UBAP2: variants seen among roughly 807,000 people sequenced by gnomAD.
UBAP2 encodes ubiquitin associated protein 2, also known as ubiquitin-associated protein 2.
Under a neutral mutation model 139.6 loss-of-function variants are expected in UBAP2, and 75 were observed. The observed-to-expected ratio is 0.54, with a 90% CI of 0.45 to 0.65. UBAP2 has a LOEUF of 0.65. Ranked by LOEUF, UBAP2 falls within the 30% of genes least tolerant of loss-of-function variation. The probability of loss-of-function intolerance (pLI) is 0.00; values close to 1 mark genes in which losing one functional copy is unlikely to be tolerated. For missense variants in UBAP2, 1,368 were observed against 1,369.6 expected, an observed-to-expected ratio of 1.00 and a Z score of 0.02; for synonymous variants, 526 against 526.2, an observed-to-expected ratio of 1.00 and a Z score of 0.01.
intron 2 of UBAP2, chr9:34,011,662 C>A (rs2131253281): frequency 1.0e-6 from 1 of 987,438 alleles, no homozygotes; most frequent in East Asian, 1.1e-4. Context: ...GAGGTCGGTA[C>A]AGCTTGGGAA....
Position 33,956,103 on chromosome 9 carries a change from T to C in UBAP2, c.842A>G (p.Glu281Gly). The change falls in exon 11 of 29, where the codon GAG (glutamate) becomes GGG (glycine). Residue 281 changes from glutamate (E) to glycine (G), a missense_variant. Physicochemically the swap from Glu to Gly is moderately conservative, Grantham distance 98. Transcript: ENST00000379238. ...CCTTTGCCCAGGTAAGATGTGATTC[T>C]CTGCTGGAGCAGATGAGGCAGTGAA... The part of the protein sequence containing the change: ...KVFTASSAPA[E>G]NHILPGQSID... 6.2e-7 allele frequency: 1 copy of C among 1,613,638 alleles called. No individual in the cohort carries two copies. Among genetic ancestry groups the C allele is most frequent in the South Asian group, 1.1e-5 (1 of 90,962 alleles).
At chr9:33,984,681 A>G (rs528182567) in intron 6 of UBAP2, among the ~76,000 whole-genome samples, 2 of 147,486 alleles carry the variant, frequency 1.4e-5, no homozygotes, top group East Asian at 3.9e-4. Context: ...CTGTCTCTTA[A>G]GAGAAAAAAA....
At chr9:33,928,840 G>A (rs1043868814) in intron 19 of UBAP2, 5 of 152,366 alleles carry the variant, frequency 3.3e-5, no homozygotes, top group Non-Finnish European at 4.4e-5. Flanking sequence ...ATATAAACTC[G>A]TAGAAGAAAA....
chr9:34,013,831 C>T (rs141355238), intron 2 of UBAP2, among the ~76,000 whole-genome samples: 2 of 151,360 alleles, frequency 1.3e-5, no homozygotes, highest in African/African-American at 2.4e-5. Context: ...GAGCTGAGAA[C>T]GCGCCACTGC....
chr9:34,005,195 G>A lies in UBAP2; in HGVS notation c.100-6331C>T, dbSNP rs561413116. Among the ~76,000 whole-genome samples, 9 of 151,428 alleles carry A rather than the reference G, an allele frequency of 5.9e-5. No homozygotes were observed. The South Asian group carries it at 8.4e-4, about 14-fold the overall frequency. On this transcript the variant is annotated intron_variant, in intron 2 of 28. Transcript: ENST00000379238. The stretch of plus-strand genomic sequence containing the variant: ...CAAGAATCATTTGAACCCGAGAGGC[G>A]GAGGTTGCAGTGAGCTGAGATCTCA...
intron 1 of UBAP2, among the ~76,000 whole-genome samples, chr9:34,021,264 C>A (rs1326669522): frequency 1.3e-5 from 2 of 152,184 alleles, no homozygotes; most frequent in African/African-American, 2.4e-5. Context: ...CATTAACTGG[C>A]TTGCTAAAGG....
chr9:33,967,933 C>T (rs1288587963), intron 8 of UBAP2: 1 of 185,948 alleles, frequency 5.4e-6, no homozygotes, highest in Non-Finnish European at 1.1e-5. Context: ...AGCTACACTT[C>T]CAGTGTTTTC....
intron 10 of UBAP2, among the ~76,000 whole-genome samples, chr9:33,957,798 C>CATA (rs1267289326): frequency 3.9e-5 from 6 of 152,118 alleles, no homozygotes; most frequent in Non-Finnish European, 7.3e-5. Context: ...AACCAGACTT[C>CATA]CTGCATGACA....
chr9:34,040,736 A>G (rs546098865), intron 1 of UBAP2, among the ~76,000 whole-genome samples: 1 of 152,338 alleles, frequency 6.6e-6, no homozygotes, highest in Admixed American at 6.5e-5. Flanking sequence ...TAAACCACTC[A>G]GTCTTTGAGA....
At chr9:34,005,457 A>G (rs937130937) in intron 2 of UBAP2, among the ~76,000 whole-genome samples, 14 of 144,520 alleles carry the variant, frequency 9.7e-5, no homozygotes, top group Non-Finnish European at 1.8e-4. Context: ...AAAAAAAAAA[A>G]ATCTGATAAA....
rs990134976 is a variant in UBAP2, at chr9:34,047,240, A to G, written c.-42+1585T>C. Among the ~76,000 whole-genome samples the G allele has an allele frequency of 1.6e-4, 24 of 152,186 alleles. 1 individual carries two copies. Among genetic ancestry groups the G allele is most frequent in the Non-Finnish European group, 2.9e-5 (2 of 68,032 alleles). On this transcript the variant is annotated intron_variant, in intron 1 of 28. Transcript: ENST00000379238. ...CTCTCGTCACACGTATCAACTAGCC[A>G]TAAGTAGGAAAATCAGGAGTATGCT...
chr9:33,927,028 C>G lies in UBAP2; in HGVS notation c.2424G>C (p.Gln808His). Residue 808 changes from glutamine to histidine, a missense_variant, in exon 21 of 29, where the codon CAG becomes CAC. Physicochemically the swap from Gln to His is conservative, Grantham distance 24. Transcript: ENST00000379238. ...PQGVPPLLHNQYLVGPGGLLP... is the reference protein window; with the variant it reads ...PQGVPPLLHNHYLVGPGGLLP... ...GCAGTCCTCCGGGACCTACGAGGTA[C>G]TGGTTGTGCAGCAGGGGAGGCACCC... 1 of 1,614,092 alleles carries G rather than the reference C, an allele frequency of 6.2e-7. No homozygotes were observed. Among genetic ancestry groups the G allele is most frequent in the Non-Finnish European group, 8.5e-7 (1 of 1,179,996 alleles).
intron 7 of UBAP2, 51 bp from the exon 8 acceptor site, chr9:33,971,805 G>A (rs758910778): frequency 1.9e-6 from 2 of 1,074,386 alleles, no homozygotes. Flanking sequence ...AAACACCTAA[G>A]CCAAAATATT....
In UBAP2 at chr9:34,035,514, A is replaced by AAATATATATATATAT; in HGVS notation, c.-42+13310_-42+13311insATATATATATATATT. On this transcript the variant is annotated intron_variant, in intron 1 of 28. Transcript: ENST00000379238. ...GAGACTCCATCTAAAAAAAAAAAAA[A>AAATATATATATATAT]ATATATATATATAAAGATTAGCCAG... Among the ~76,000 whole-genome samples, 31 of 22,486 alleles carry AAATATATATATATAT rather than the reference A, an allele frequency of 1.4e-3. 1 individual carries two copies. Among genetic ancestry groups the AAATATATATATATAT allele is most frequent in the African/African-American group, 3.7e-3 (29 of 7,846 alleles). 14.8% of individuals were successfully genotyped at this position (22,486 alleles called of 152,430 possible).
At chr9:34,041,947 C>T (rs1370899467) in intron 1 of UBAP2, among the ~76,000 whole-genome samples, 1 of 151,646 alleles carries the variant, frequency 6.6e-6, no homozygotes, top group Non-Finnish European at 1.5e-5. Flanking sequence ...ATCGCTTGAA[C>T]CCGGGAGGTG....
Position 33,948,252 on chromosome 9 carries a change from A to G in UBAP2, c.1270+122T>C, listed in dbSNP as rs569682213. On this transcript the variant is annotated intron_variant, in intron 13 of 28. Coordinates refer to ENST00000379238, the MANE Select transcript of UBAP2 (RefSeq NM_001370062.2). Reference sequence around the variant, plus strand: ...AGACTGATTTAACTGAGAAACTGCAAGAGTTCTACTAAAAAGAAACATCTC... The same window carrying G: ...AGACTGATTTAACTGAGAAACTGCAGGAGTTCTACTAAAAAGAAACATCTC... The G allele has an allele frequency of 2.2e-5, 18 of 800,892 alleles. No homozygotes were observed. The East Asian group carries it at 4.4e-4, about 20-fold the overall frequency. The allele number at this position is 800,892 out of a possible 1,614,324, so 49.6% of individuals were successfully genotyped here. A position where few individuals can be genotyped will look rare whatever the true frequency, so the allele number is the denominator to read the frequency against.
chr9:33,925,064 G>A (rs1332341595), intron 22 of UBAP2, among the ~76,000 whole-genome samples: 2 of 152,152 alleles, frequency 1.3e-5, no homozygotes, highest in African/African-American at 2.4e-5. Flanking sequence ...AGACAGAGAC[G>A]GCAAAGCACA....
intron 2 of UBAP2, among the ~76,000 whole-genome samples, chr9:34,016,781 C>T (rs1587666513): frequency 6.6e-6 from 1 of 151,872 alleles, no homozygotes; most frequent in Non-Finnish European, 1.5e-5. Context: ...TAGTCTCAAA[C>T]TCCTGACCTC....
intron 19 of UBAP2, 84 bp from the exon 20 acceptor site, chr9:33,928,076 A>AC (rs147678695): frequency 0.1 from 143,670 of 1,428,540 alleles, 8,450 homozygotes; most frequent in Non-Finnish European, 0.11. Context: ...GCTTGGGCCC[A>AC]AGTCTCAAGG....
Sources: gnomAD v4.1 joint callset for allele counts (sites outside exome capture counted in the v4.1 genomes callset) on GRCh38, gnomAD v4.1.1 for gene constraint, MANE v1.5 for transcripts, NCBI Gene and HGNC (gene_info 2026-07-23, HGNC 2026-07-21) for gene names.